The following SVIL variants were observed in gnomAD, a reference collection of about 807,000 sequenced individuals.
SVIL encodes the protein archvillin.
Under a neutral mutation model 240.4 loss-of-function variants are expected in SVIL, and 101 were observed. The observed-to-expected ratio is 0.42, with a 90% CI of 0.36 to 0.50. The LOEUF (loss-of-function observed/expected upper bound fraction) is 0.50. Ranked by LOEUF, SVIL falls within the 20% of genes least tolerant of loss-of-function variation. SVIL has a pLI of 0.01. For synonymous variants in SVIL, 999 were observed against 1,100.0 expected (o/e 0.91, Z 1.82); for missense variants, 2,512 against 2,818.7 (o/e 0.89, Z 2.46).
intron 2 of SVIL, among the ~76,000 whole-genome samples, chr10:29,682,952 G>A (rs1354170522): frequency 6.6e-6 from 1 of 152,198 alleles, no homozygotes; most frequent in Non-Finnish European, 1.5e-5. Flanking sequence ...GATAAAAAGA[G>A]TCAGACTCTG....
chr10:29,638,036 T>A (rs1409515094), upstream of SVIL, among the ~76,000 whole-genome samples: 4 of 152,190 alleles, frequency 2.6e-5, no homozygotes, highest in Middle Eastern at 3.2e-3. Context: ...ACCACATCAG[T>A]GTCAATATCC....
At chr10:29,685,068 C>G (rs961383043) in intron 2 of SVIL, among the ~76,000 whole-genome samples, 10 of 152,122 alleles carry the variant, frequency 6.6e-5, no homozygotes, top group Admixed American at 6.5e-4. Context: ...TTTTCTCTCC[C>G]CCAAGCCTCC....
intron 2 of SVIL, among the ~76,000 whole-genome samples, chr10:29,669,406 T>G (rs1564749167): frequency 6.6e-6 from 1 of 152,218 alleles, no homozygotes; most frequent in South Asian, 2.1e-4. Context: ...CAGTGATGGC[T>G]GAGTGCTGGC....
At chr10:29,532,338 C>A (rs1269287744) in intron 8 of SVIL, among the ~76,000 whole-genome samples, 166 bp from the exon 9 acceptor site, 1 of 152,266 alleles carries the variant, frequency 6.6e-6, no homozygotes, top group Non-Finnish European at 1.5e-5. Context: ...GACACCCAAT[C>A]CACTAGTTCC....
At chr10:29,463,725 C>T in intron 34 of SVIL, 90 bp from the exon 35 acceptor site, 3 of 1,524,142 alleles carry the variant, frequency 2.0e-6, no homozygotes, top group Non-Finnish European at 2.6e-6. Flanking sequence ...GATGTTGTCC[C>T]TCTTGACTGC....
chr10:29,637,091 G>A (rs575973594), upstream of SVIL, among the ~76,000 whole-genome samples: 63 of 152,264 alleles, frequency 4.1e-4, no homozygotes, highest in African/African-American at 1.4e-3. Context: ...TTACAGGTGT[G>A]AGCCACCCTG....
intron 34 of SVIL, among the ~76,000 whole-genome samples, chr10:29,464,058 C>T (rs11007601): frequency 0.095 from 14,429 of 152,274 alleles, 866 homozygotes; most frequent in Non-Finnish European, 0.13. Context: ...TCACTGCAGA[C>T]AGGTCAGTGG....
At chr10:29,689,131 C>G (rs1961305290) in intron 1 of SVIL, among the ~76,000 whole-genome samples, 1 of 152,186 alleles carries the variant, frequency 6.6e-6, no homozygotes, top group Admixed American at 6.5e-5. Flanking sequence ...TTTAGAATCA[C>G]AGAATGAGTA....
At chr10:29,658,901 C>T (rs1412087968) in intron 2 of SVIL, among the ~76,000 whole-genome samples, 1 of 152,156 alleles carries the variant, frequency 6.6e-6, no homozygotes, top group East Asian at 1.9e-4. Flanking sequence ...CAGAAAAAGA[C>T]ATGCTGGGTG....
chr10:29,506,538 C>T (rs1297338192), intron 17 of SVIL, among the ~76,000 whole-genome samples: 1 of 152,140 alleles, frequency 6.6e-6, no homozygotes, highest in African/African-American at 2.4e-5. Context: ...GCTGCTGGAG[C>T]AGGCCCATCG....
intron 2 of SVIL, among the ~76,000 whole-genome samples, chr10:29,681,468 TGAGGAG>T (rs146639565): frequency 1.4e-5 from 2 of 146,008 alleles, no homozygotes; most frequent in African/African-American, 5.2e-5. Context: ...GAGAGAAGAA[TGAGGAG>T]GAGGAGGAGG....
chr10:29,524,182 C>T lies in SVIL; in HGVS notation c.2587-155G>A, dbSNP rs181245252. ...CATTCCTGGACATAGTTATATAATA[C>T]GTCTCATTAAACAAAATCCTCTGGG... is the stretch of plus-strand genomic sequence containing the variant. On this transcript the variant is annotated intron_variant, in intron 14 of 37. Coordinates refer to ENST00000355867, the MANE Select transcript of SVIL (RefSeq NM_021738.3). Among the ~76,000 whole-genome samples the T allele has an allele frequency of 2.0e-5, 3 of 152,200 alleles. No homozygotes were observed. The East Asian group carries it at 5.8e-4, about 29-fold the overall frequency.
At chr10:29,669,525 A>C (rs1326134880) in intron 2 of SVIL, among the ~76,000 whole-genome samples, 1 of 152,188 alleles carries the variant, frequency 6.6e-6, no homozygotes, top group Non-Finnish European at 1.5e-5. Flanking sequence ...TTAAAGACTC[A>C]CTGTAGTTGC....
rs778804281 is a variant in SVIL, at chr10:29,550,578, G to A, written c.827+19C>T. 6.3e-7 allele frequency: 1 copy of A among 1,583,332 alleles called. No individual in the cohort carries two copies. Among genetic ancestry groups the A allele is most frequent in the East Asian group, 2.3e-5 (1 of 43,744 alleles). ...TATTGTCCTGCGTTCAGGGTGCTTA[G>A]CGTGGACTGGATGCTTACCTGGGTC... On this transcript the variant is annotated intron_variant, in intron 6 of 37. Transcript: ENST00000355867.
At chr10:29,696,147 T>C (rs1460279268) in intron 1 of SVIL, among the ~76,000 whole-genome samples, 1 of 151,290 alleles carries the variant, frequency 6.6e-6, no homozygotes, top group African/African-American at 2.4e-5. Flanking sequence ...GGGGACGGGG[T>C]TTCGCTGTGT....
At chr10:29,471,664 G>C (rs976971450) in intron 30 of SVIL, among the ~76,000 whole-genome samples, 3 of 152,196 alleles carry the variant, frequency 2.0e-5, no homozygotes, top group African/African-American at 7.2e-5. Context: ...AATAATTCTA[G>C]GGAAAATATA....
intron 1 of SVIL, among the ~76,000 whole-genome samples, chr10:29,629,562 G>A (rs1589421673): frequency 6.6e-6 from 1 of 152,216 alleles, no homozygotes; most frequent in African/African-American, 2.4e-5. Flanking sequence ...ACTAGATCTG[G>A]GTTCAAATCC....
At chr10:29,689,121 T>C (rs1278462613) in intron 1 of SVIL, among the ~76,000 whole-genome samples, 2 of 152,160 alleles carry the variant, frequency 1.3e-5, no homozygotes, top group Non-Finnish European at 2.9e-5. Flanking sequence ...AAATATCCAA[T>C]TTAGAATCAC....
intron 17 of SVIL, 128 bp downstream of exon 17, chr10:29,512,607 T>G: frequency 6.6e-7 from 1 of 1,511,874 alleles, no homozygotes; most frequent in Admixed American, 1.7e-5. Flanking sequence ...ACTCTCAGTG[T>G]GTACCCTAAG....
Sources: allele counts gnomAD v4.1 joint callset (sites outside exome capture counted in the v4.1 genomes callset), GRCh38; gene constraint gnomAD v4.1.1; transcripts MANE v1.5; gene names NCBI Gene and HGNC (gene_info 2026-07-23, HGNC 2026-07-21).